The following HERC2 variants were observed in gnomAD, a reference collection of about 807,000 sequenced individuals.
The protein encoded by HERC2 is E3 ubiquitin-protein ligase HERC2.
Under a neutral mutation model 537.7 loss-of-function variants are expected in HERC2, and 102 were observed. The ratio of observed to expected loss-of-function variants is 0.19; its 90% CI spans 0.16 to 0.22. The LOEUF (loss-of-function observed/expected upper bound fraction) is 0.22. Among genes scored for constraint, HERC2 ranks in the 10% least tolerant of loss-of-function variants. HERC2 has a pLI of 1.00. For synonymous variants in HERC2, 2,224 were observed against 2,466.2 expected, an observed-to-expected ratio of 0.90 and a Z score of 2.91; for missense variants, 4,236 against 6,198.2, an observed-to-expected ratio of 0.68 and a Z score of 10.63.
At chr15:28,285,849 C>T (rs1215425660) in intron 4 of HERC2, among the ~76,000 whole-genome samples, 4 of 140,642 alleles carry the variant, frequency 2.8e-5, no homozygotes, top group African/African-American at 5.5e-5. Flanking sequence ...AGTGATGAAA[C>T]GGACTCTAAA....
chr15:28,120,299 C>T (rs1342706211), intron 86 of HERC2, among the ~76,000 whole-genome samples: 1 of 152,184 alleles, frequency 6.6e-6, no homozygotes, highest in East Asian at 1.9e-4. Context: ...ACAAGAGTTT[C>T]GTGTCTTAAT....
In HERC2 at chr15:28,271,316, T is replaced by C. The variant is rs139396404; in HGVS notation, c.1084-448A>G. Among the ~76,000 whole-genome samples, 1,245 of 152,314 alleles carry C rather than the reference T, an allele frequency of 8.2e-3. 24 individuals carry two copies. Among genetic ancestry groups the C allele is most frequent in the African/African-American group, 0.028 (1,181 of 41,570 alleles). On this transcript the variant is annotated intron_variant, in intron 9 of 92. Coordinates refer to ENST00000261609, the MANE Select transcript of HERC2 (RefSeq NM_004667.6). The stretch of plus-strand genomic sequence containing the variant: ...CTACTTTCATTTGCAAATTAAATCA[T>C]AGTTCTAATTCTTCTAAAGGCAGAA...
Position 28,186,650 on chromosome 15 carries a change from C to G in HERC2, c.8752G>C (p.Glu2918Gln). ...ILLGRIRAEE[E>Q]DLAAVPFLAS... ...AAGAAAGGAACTGCAGCCAAATCTT[C>G]CTCTTCTGCACGGATCCGTCCCAGC... The change falls in exon 56 of 93, where the codon GAA becomes CAA. Residue 2918 changes from glutamate to glutamine, a missense_variant. Glu to Gln is a conservative substitution (Grantham distance 29). Around this residue, in one of 27 missense-constraint regions of HERC2, gnomAD observed 606 missense variants for 884.5 expected, o/e 0.69. Transcript: ENST00000261609. The G allele has an allele frequency of 6.2e-7, 1 of 1,614,140 alleles. No individual in the cohort carries two copies. The highest frequency in any genetic ancestry group is 8.5e-7 in the Non-Finnish European group (1 of 1,179,998).
chr15:28,253,466 G>C (rs761187216), intron 20 of HERC2, among the ~76,000 whole-genome samples: 10 of 152,090 alleles, frequency 6.6e-5, no homozygotes, highest in East Asian at 3.8e-4. Context: ...ACTGCACACC[G>C]CAATTTCTCT....
intron 15 of HERC2, 47 bp downstream of exon 15, chr15:28,262,871 T>C: frequency 6.4e-7 from 1 of 1,568,052 alleles, no homozygotes; most frequent in East Asian, 2.3e-5. Context: ...AAAACATTAC[T>C]AAAGAAACTG....
intron 68 of HERC2, 64 bp from the exon 69 acceptor site, chr15:28,163,349 A>C (rs1893810198): frequency 6.9e-7 from 1 of 1,459,074 alleles, no homozygotes; most frequent in Admixed American, 1.8e-5. Context: ...AAGAGTCACC[A>C]GTTTACCCAT....
chr15:28,147,324 T>G (rs1156782861), intron 70 of HERC2, among the ~76,000 whole-genome samples: 5 of 152,228 alleles, frequency 3.3e-5, no homozygotes, highest in Non-Finnish European at 7.3e-5. Context: ...AGTAATAGCT[T>G]CAAGTTTAAA....
chr15:28,320,896 C>T (rs368497314), intron 2 of HERC2, among the ~76,000 whole-genome samples: 1 of 151,992 alleles, frequency 6.6e-6, no homozygotes, highest in South Asian at 2.1e-4. Flanking sequence ...ACAAAACAAA[C>T]AGCTCAACTG....
Position 28,268,799 on chromosome 15 carries a change from C to T in HERC2, c.1447-183G>A, listed in dbSNP as rs1393592185. ...CACCCAGCAGCAACAGAACAGCGGG[C>T]AGCCTCCAAGTGCTCTGCAGCAAGA... On this transcript the variant is annotated intron_variant, in intron 11 of 92. Transcript: ENST00000261609. The surrounding 1 kb of genome is among the most constrained non-coding windows in gnomAD (Gnocchi z 4.7). 2.0e-5 allele frequency among the ~76,000 whole-genome samples: 3 copies of T among 152,232 alleles called. No individual in the cohort carries two copies. The highest frequency in any genetic ancestry group is 4.4e-5 in the Non-Finnish European group (3 of 68,042).
intron 37 of HERC2, 88 bp from the exon 38 acceptor site, chr15:28,218,759 ATTC>A: frequency 8.6e-7 from 1 of 1,159,384 alleles, no homozygotes; most frequent in South Asian, 1.2e-5. Flanking sequence ...TTAATATTAC[ATTC>A]TTGTTTTATT....
In HERC2 at chr15:28,268,685, G is replaced by T; in HGVS notation, c.1447-69C>A. 1 of 1,324,186 alleles carries T rather than the reference G, an allele frequency of 7.6e-7. No homozygotes were observed. Among genetic ancestry groups the T allele is most frequent in the South Asian group, 1.3e-5 (1 of 75,924 alleles). The allele number at this position is 1,324,186 out of a possible 1,614,324, so 82.0% of individuals were successfully genotyped here. ...GAAAATGAAACCAGCTCAGCTCTCC[G>T]TTATCATGTATCCCCAAGCAAAGCC... On this transcript the variant is annotated intron_variant, in intron 11 of 92. Coordinates refer to ENST00000261609, the MANE Select transcript of HERC2 (RefSeq NM_004667.6). This position sits in a 1 kb window ranked among gnomAD's most constrained non-coding sequence, Gnocchi z 4.7.
intron 70 of HERC2, among the ~76,000 whole-genome samples, chr15:28,150,231 G>C (rs554688134): frequency 6.6e-6 from 1 of 151,248 alleles, no homozygotes; most frequent in Non-Finnish European, 1.5e-5. Flanking sequence ...CCACATGAAC[G>C]TACGTTCTAG....
At position 28,233,214 on chromosome 15, in the gene HERC2, A is replaced by G. The variant is rs764046391; in HGVS notation, c.4607T>C (p.Leu1536Ser). The stretch of plus-strand genomic sequence containing the variant: ...CCTCCAACGGGGCAAAGAACTTAAC[A>G]ATTTAAACTTAGACATTATAGAGAG... Reference protein sequence around the residue: ...NDLSIMSKFKLLSSLPRWRRI... With the variant: ...NDLSIMSKFKSLSSLPRWRRI... The change falls in exon 30 of 93, where the codon TTG (leucine) becomes TCG (serine). Residue 1536 changes from leucine (L) to serine (S), a missense_variant. Transcript: ENST00000261609. The G allele has an allele frequency of 1.2e-6, 2 of 1,611,274 alleles. No individual in the cohort carries two copies. The highest frequency in any genetic ancestry group is 1.3e-5 in the African/African-American group (1 of 74,826).
At chr15:28,227,206 C>T (rs766691747) in intron 35 of HERC2, among the ~76,000 whole-genome samples, 3 of 151,992 alleles carry the variant, frequency 2.0e-5, no homozygotes, top group Admixed American at 1.3e-4. Flanking sequence ...ACCCGGGAGG[C>T]GGAGGTTGCA....
intron 78 of HERC2, among the ~76,000 whole-genome samples, chr15:28,137,639 T>C (rs973763703): frequency 3.3e-5 from 5 of 152,220 alleles, no homozygotes; most frequent in Non-Finnish European, 7.3e-5. Flanking sequence ...TAAATGTGTA[T>C]GTTCTGATTG....
intron 4 of HERC2, among the ~76,000 whole-genome samples, chr15:28,286,599 C>T (rs546608129): frequency 6.0e-4 from 92 of 152,212 alleles, no homozygotes; most frequent in African/African-American, 1.8e-3. Context: ...TAGCAACAAA[C>T]GGGAACTTCA....
chr15:28,163,083 C>T lies in HERC2; in HGVS notation c.10746+11G>A, dbSNP rs552941509. 6.9e-6 allele frequency: 11 copies of T among 1,604,300 alleles called. No individual in the cohort carries two copies. The highest frequency in any genetic ancestry group is 5.0e-5 in the Admixed American group (3 of 59,756). On this transcript the variant is annotated intron_variant, in intron 69 of 92. Coordinates refer to ENST00000261609, the MANE Select transcript of HERC2 (RefSeq NM_004667.6). ...GTGGAATCAGACGGCCCCGCCCTCC[C>T]TGAGACTCACCTGTGGGTAGGCGGT... is the stretch of plus-strand genomic sequence containing the variant.
intron 2 of HERC2, among the ~76,000 whole-genome samples, chr15:28,317,504 G>A (rs553925881): frequency 1.3e-5 from 2 of 152,352 alleles, no homozygotes; most frequent in South Asian, 4.2e-4. Context: ...TTTAGCTACT[G>A]ATATACTCAA....
chr15:28,150,064 G>C (rs1596060790), intron 70 of HERC2, among the ~76,000 whole-genome samples: 2 of 151,038 alleles, frequency 1.3e-5, no homozygotes, highest in Non-Finnish European at 1.5e-5. Flanking sequence ...ACATCACCTA[G>C]AACGGCCACA....
Sources: allele counts gnomAD v4.1 joint callset (sites outside exome capture counted in the v4.1 genomes callset), GRCh38; gene constraint gnomAD v4.1.1; regional missense constraint gnomAD v4.1.1; non-coding constraint Gnocchi (gnomAD v3.1); transcripts MANE v1.5; gene names NCBI Gene and HGNC (gene_info 2026-07-23, HGNC 2026-07-21).